Variants in KPNA1 observed in about 807,000 individuals in gnomAD.
The protein encoded by KPNA1 is karyopherin subunit alpha 1.
A neutral mutation model predicts 70.5 loss-of-function variants in KPNA1; 10 were observed. That is an observed-to-expected ratio of 0.14 (90% CI 0.09 to 0.24). The LOEUF is 0.24. Among genes scored for constraint, KPNA1 ranks in the 10% least tolerant of loss-of-function variants. KPNA1 has a pLI of 1.00. For synonymous variants in KPNA1, 192 were observed against 221.9 expected, an observed-to-expected ratio of 0.87 and a Z score of 1.20; for missense variants, 397 against 637.9, an observed-to-expected ratio of 0.62 and a Z score of 4.07.
At chr3:122,444,654 G>A (rs546185431) in intron 9 of KPNA1, among the ~76,000 whole-genome samples, 5 of 152,244 alleles carry the variant, frequency 3.3e-5, no homozygotes, top group South Asian at 4.1e-4. Flanking sequence ...TCATACAGGC[G>A]GGTGCCCCTC....
In KPNA1 at chr3:122,509,626, C is replaced by G. The variant is rs974581693; in HGVS notation, c.-6+5131G>C. On this transcript the variant is annotated intron_variant, in intron 1 of 13. Coordinates refer to ENST00000344337, the MANE Select transcript of KPNA1 (RefSeq NM_002264.4). ...CTTTGCAAGGTCTATAACACAATAC[C>G]TAAACATACACAGCTCCACTACATA... Among the ~76,000 whole-genome samples the G allele has an allele frequency of 2.0e-5, 3 of 152,058 alleles. No individual in the cohort carries two copies. The East Asian group carries it at 5.8e-4, about 29-fold the overall frequency.
intron 7 of KPNA1, 62 bp from the exon 8 acceptor site, chr3:122,451,695 A>C: frequency 9.8e-7 from 1 of 1,018,266 alleles, no homozygotes; most frequent in Non-Finnish European, 1.5e-6. Flanking sequence ...GATGACATAA[A>C]TACTAAATAA....
At chr3:122,478,894 C>CAAAAAAAA (rs57843662) in intron 2 of KPNA1, among the ~76,000 whole-genome samples, 6 of 18,682 alleles carry the variant, frequency 3.2e-4, no homozygotes, top group East Asian at 1.6e-3. Flanking sequence ...AACCTCGTCT[C>CAAAAAAAA]AAAAAAAAAA....
At chr3:122,464,640 C>A (rs559267997) in intron 3 of KPNA1, among the ~76,000 whole-genome samples, 1 of 152,326 alleles carries the variant, frequency 6.6e-6, no homozygotes, top group East Asian at 1.9e-4. Flanking sequence ...GACTCTTAAA[C>A]TTATTTAAAA....
chr3:122,513,681 TCTA>T (rs1334680159), intron 1 of KPNA1, among the ~76,000 whole-genome samples: 1 of 151,626 alleles, frequency 6.6e-6, no homozygotes, highest in African/African-American at 2.4e-5. Context: ...AATCACTTCA[TCTA>T]CTAATAGAGA....
At chr3:122,444,572 G>T (rs371809802) in intron 9 of KPNA1, among the ~76,000 whole-genome samples, 1 of 152,166 alleles carries the variant, frequency 6.6e-6, no homozygotes, top group African/African-American at 2.4e-5. Flanking sequence ...GGCTTCAGCC[G>T]GTCCTTCCAT....
chr3:122,489,224 C>T (rs2076667879), intron 2 of KPNA1, among the ~76,000 whole-genome samples: 1 of 151,944 alleles, frequency 6.6e-6, no homozygotes, highest in African/African-American at 2.4e-5. Flanking sequence ...TCATCTTGGA[C>T]ATCACAGTTT....
chr3:122,495,819 G>A (rs2076753830), intron 2 of KPNA1, among the ~76,000 whole-genome samples: 1 of 147,414 alleles, frequency 6.8e-6, no homozygotes, highest in Admixed American at 6.8e-5. Context: ...CATTTTCAAA[G>A]GAAGGCTTAA....
At chr3:122,456,570 G>A (rs557593981) in intron 5 of KPNA1, among the ~76,000 whole-genome samples, 1 of 152,196 alleles carries the variant, frequency 6.6e-6, no homozygotes, top group South Asian at 2.1e-4. Context: ...AGATCTCAGG[G>A]GAAATGAGGG....
At chr3:122,436,553 G>A (rs1385918794) in intron 11 of KPNA1, among the ~76,000 whole-genome samples, 1 of 152,120 alleles carries the variant, frequency 6.6e-6, no homozygotes, top group Non-Finnish European at 1.5e-5. Flanking sequence ...CCGACACTTA[G>A]GGAAAACAGA....
At chr3:122,431,452 C>T (rs1406273437) in intron 12 of KPNA1, among the ~76,000 whole-genome samples, 2 of 152,164 alleles carry the variant, frequency 1.3e-5, no homozygotes, top group Admixed American at 6.6e-5. Flanking sequence ...CCACCACACC[C>T]GGCCAAGATA....
At chr3:122,456,250 T>C (rs2076263710) in intron 5 of KPNA1, among the ~76,000 whole-genome samples, 2 of 152,246 alleles carry the variant, frequency 1.3e-5, no homozygotes, top group Admixed American at 1.3e-4. Context: ...CAGAGTCATA[T>C]GATGTAAGTA....
intron 2 of KPNA1, among the ~76,000 whole-genome samples, chr3:122,471,873 C>T (rs991005940): frequency 6.6e-6 from 1 of 152,134 alleles, no homozygotes. Context: ...TAACTTTTAT[C>T]AAGGATAAAA....
intron 4 of KPNA1, among the ~76,000 whole-genome samples, chr3:122,463,389 C>T (rs1412572127): frequency 2.0e-5 from 3 of 150,556 alleles, no homozygotes; most frequent in Non-Finnish European, 4.4e-5. Context: ...GGGGTGGTGG[C>T]GTGTAACTGT....
chr3:122,471,329 T>C (rs1346344568), intron 2 of KPNA1, among the ~76,000 whole-genome samples: 1 of 152,224 alleles, frequency 6.6e-6, no homozygotes, highest in African/African-American at 2.4e-5. Flanking sequence ...GCTTATACAA[T>C]GTTTTCCTTC....
chr3:122,437,854 T>C (rs1279272401), intron 10 of KPNA1, among the ~76,000 whole-genome samples: 1 of 152,224 alleles, frequency 6.6e-6, no homozygotes, highest in East Asian at 1.9e-4. Flanking sequence ...TAAAATAGTA[T>C]ATGGCAGATT....
At chr3:122,478,524 C>T (rs2076531505) in intron 2 of KPNA1, among the ~76,000 whole-genome samples, 1 of 150,956 alleles carries the variant, frequency 6.6e-6, no homozygotes, top group South Asian at 2.1e-4. Context: ...TTCAAGACCA[C>T]CAGCCTGGAC....
intron 2 of KPNA1, among the ~76,000 whole-genome samples, chr3:122,480,003 C>T (rs185526693): frequency 7.9e-5 from 12 of 152,018 alleles, no homozygotes; most frequent in Admixed American, 6.5e-5. Flanking sequence ...GCTATGAAGC[C>T]GTGGAAAGAC....
intron 9 of KPNA1, among the ~76,000 whole-genome samples, chr3:122,442,414 T>C (rs2076076693): frequency 6.6e-6 from 1 of 152,338 alleles, no homozygotes; most frequent in African/African-American, 2.4e-5. Flanking sequence ...ATAGGTTTCA[T>C]TTCCTCTTTA....
Sources: allele counts gnomAD v4.1 joint callset (sites outside exome capture counted in the v4.1 genomes callset), GRCh38; gene constraint gnomAD v4.1.1; transcripts MANE v1.5; gene names NCBI Gene and HGNC (gene_info 2026-07-23, HGNC 2026-07-21).